Variants in GRK5 observed in about 807,000 individuals in gnomAD.
The protein encoded by GRK5 is G protein-coupled receptor kinase 5.
Under a neutral mutation model 78.4 loss-of-function variants are expected in GRK5, and 40 were observed. That is an observed-to-expected ratio of 0.51 (90% CI 0.40 to 0.66). The LOEUF is 0.66. GRK5 is among the 30% of genes least tolerant of loss of function. The pLI is 0.00. For missense variants in GRK5, 598 were observed against 759.9 expected (o/e 0.79, Z 2.50); for synonymous variants, 289 against 296.8 (o/e 0.97, Z 0.27).
In GRK5 at chr10:119,336,452, T is replaced by A. The variant is rs7907709; in HGVS notation, c.148+9841T>A. On this transcript the variant is annotated intron_variant, in intron 2 of 15. Transcript: ENST00000392870. This position sits in a 1 kb window ranked among gnomAD's most constrained non-coding sequence, Gnocchi z 4.5. ...TTTATCTGTAAGATTGTTTTTTTTT[T>A]AAAAAAAGAATGAATTGGCATGTTC... 0.036 allele frequency among the ~76,000 whole-genome samples: 5,493 copies of A among 151,920 alleles called. 169 individuals are homozygous for A. The highest frequency in any genetic ancestry group is 0.081 in the African/African-American group (3,339 of 41,406).
chr10:119,334,400 C>T (rs1850839633), intron 2 of GRK5: 1 of 155,354 alleles, frequency 6.4e-6, no homozygotes, highest in South Asian at 2.0e-4. Context: ...TTCAACAGAA[C>T]TGGCACAGGG....
intron 2 of GRK5, among the ~76,000 whole-genome samples, chr10:119,355,705 G>T (rs535894231): frequency 6.6e-6 from 1 of 152,276 alleles, no homozygotes; most frequent in South Asian, 2.1e-4. Context: ...GCTTGAATCT[G>T]GGAGGCAGAG....
chr10:119,349,919 T>G (rs1014381446), intron 2 of GRK5, among the ~76,000 whole-genome samples: 1 of 152,228 alleles, frequency 6.6e-6, no homozygotes, highest in Non-Finnish European at 1.5e-5. Flanking sequence ...GTGGAAGGTG[T>G]GGGCTGCTGT....
chr10:119,317,137 G>A (rs1297780364), intron 1 of GRK5, among the ~76,000 whole-genome samples: 1 of 152,330 alleles, frequency 6.6e-6, no homozygotes, highest in East Asian at 1.9e-4. Flanking sequence ...AGACGTGAGA[G>A]TGTCCTGATC....
intron 2 of GRK5, among the ~76,000 whole-genome samples, chr10:119,359,902 TGGGTACC>T (rs1240354963): frequency 1.3e-5 from 2 of 151,720 alleles, no homozygotes; most frequent in Non-Finnish European, 2.9e-5. Context: ...GAGGTCGTAG[TGGGTACC>T]TGGCTAGCAG....
intron 1 of GRK5, among the ~76,000 whole-genome samples, chr10:119,240,544 G>A (rs1055786933): frequency 5.9e-5 from 9 of 151,978 alleles, no homozygotes; most frequent in African/African-American, 2.2e-4. Context: ...GCATGAGATG[G>A]CATCTATTGT....
At chr10:119,261,123 G>A (rs1218993362) in intron 1 of GRK5, among the ~76,000 whole-genome samples, 2 of 147,258 alleles carry the variant, frequency 1.4e-5, no homozygotes, top group Middle Eastern at 3.8e-3. Context: ...CGGGCGGAGG[G>A]GTTCCTCACT....
intron 4 of GRK5, among the ~76,000 whole-genome samples, chr10:119,398,744 C>A (rs1247890031): frequency 1.3e-5 from 2 of 152,226 alleles, no homozygotes; most frequent in African/African-American, 4.8e-5. Flanking sequence ...CCAAGTCACA[C>A]AACTAGTGAG....
chr10:119,337,206 C>T (rs147312975), intron 2 of GRK5, among the ~76,000 whole-genome samples: 4 of 152,258 alleles, frequency 2.6e-5, no homozygotes, highest in East Asian at 3.9e-4. Flanking sequence ...GAGTTTGAAA[C>T]GCACTGTTCT....
At chr10:119,330,778 T>C (rs574066467) in intron 2 of GRK5, among the ~76,000 whole-genome samples, 3 of 152,220 alleles carry the variant, frequency 2.0e-5, no homozygotes, top group African/African-American at 7.2e-5. Flanking sequence ...CCCAGCACTT[T>C]GGGAGGCTGA....
At chr10:119,421,911 G>T (rs1852577239) in intron 4 of GRK5, among the ~76,000 whole-genome samples, 1 of 152,210 alleles carries the variant, frequency 6.6e-6, no homozygotes, top group South Asian at 2.1e-4. Context: ...ATTCACCAAG[G>T]ACAGGCCAGC....
chr10:119,299,793 GAT>G (rs1491334984), intron 1 of GRK5, among the ~76,000 whole-genome samples: 32 of 117,724 alleles, frequency 2.7e-4, no homozygotes, highest in African/African-American at 5.9e-4. Context: ...CATTTAAGCA[GAT>G]GTGTGTGTGT....
At chr10:119,289,946 C>T (rs1436997206) in intron 1 of GRK5, among the ~76,000 whole-genome samples, 2 of 152,100 alleles carry the variant, frequency 1.3e-5, no homozygotes, top group South Asian at 2.1e-4. Flanking sequence ...CTGTACTTAC[C>T]GGCTGAGTAC....
intron 2 of GRK5, among the ~76,000 whole-genome samples, chr10:119,367,901 C>T (rs938261540): frequency 1.3e-5 from 2 of 152,240 alleles, no homozygotes; most frequent in Non-Finnish European, 2.9e-5. Flanking sequence ...CTGCTTTTGG[C>T]CAGCACAGCC....
rs577843521 is a variant in GRK5, at chr10:119,350,554, T to G, written c.148+23943T>G. Among the ~76,000 whole-genome samples the G allele has an allele frequency of 6.6e-5, 10 of 152,334 alleles. No homozygotes were observed. The South Asian group carries it at 2.1e-3, about 32-fold the overall frequency. On this transcript the variant is annotated intron_variant, in intron 2 of 15. Transcript: ENST00000392870. The stretch of plus-strand genomic sequence containing the variant: ...AATGTCACCACCTCTTGCTTTGCGT[T>G]TCCCGATGGAAACATTTCACAAGAA...
chr10:119,319,684 C>T (rs981603038), intron 1 of GRK5, among the ~76,000 whole-genome samples: 4 of 152,350 alleles, frequency 2.6e-5, no homozygotes, highest in Non-Finnish European at 5.9e-5. Context: ...GGAGGCTCCT[C>T]GGGACAGGAA....
chr10:119,397,360 T>C (rs1240648116), intron 4 of GRK5, among the ~76,000 whole-genome samples: 1 of 152,220 alleles, frequency 6.6e-6, no homozygotes, highest in East Asian at 1.9e-4. Flanking sequence ...CTGCTTCCTC[T>C]TGACTCACCT....
chr10:119,394,283 T>TGTGTGTGTGTGTGG (rs1851964777), intron 3 of GRK5, among the ~76,000 whole-genome samples: 1 of 57,318 alleles, frequency 1.7e-5, no homozygotes, highest in Non-Finnish European at 4.4e-5. Flanking sequence ...GGCGTGTGTG[T>TGTGTGTGTGTGTGG]GGGTGTGTAT....
At chr10:119,224,389 ATTATTTATTTATTTAT>A (rs59961161) in intron 1 of GRK5, among the ~76,000 whole-genome samples, 56 of 148,764 alleles carry the variant, frequency 3.8e-4, no homozygotes, top group African/African-American at 6.9e-4. Flanking sequence ...TTATTAATTT[ATTATTTATTTATTTAT>A]TTATTTATTT....
Sources: gnomAD v4.1 joint callset for allele counts (sites outside exome capture counted in the v4.1 genomes callset) on GRCh38, gnomAD v4.1.1 for gene constraint, Gnocchi (gnomAD v3.1) non-coding constraint, MANE v1.5 for transcripts, NCBI Gene and HGNC (gene_info 2026-07-23, HGNC 2026-07-21) for gene names.